RMDN2: variants seen among roughly 807,000 people sequenced by gnomAD.
RMDN2 encodes the protein regulator of microtubule dynamics protein 2.
Under a neutral mutation model 52.8 loss-of-function variants are expected in RMDN2, and 61 were observed. The observed-to-expected ratio is 1.16, with a 90% confidence interval of 0.94 to 1.43. RMDN2 has a LOEUF of 1.43. RMDN2 is among the 40% of genes most tolerant of loss of function. The pLI is 0.00. For synonymous variants in RMDN2, 180 were observed against 153.1 expected (o/e 1.18, Z -1.30); for missense variants, 592 against 475.3 (o/e 1.25, Z -2.28).
chr2:37,930,416 A>C (rs947972917), intron 2 of RMDN2, among the ~76,000 whole-genome samples: 1 of 151,978 alleles, frequency 6.6e-6, no homozygotes, highest in African/African-American at 2.4e-5. Context: ...GAAATTTATT[A>C]ATTTTTTTGT....
chr2:38,064,845 T>C (rs1682204568), intron 10 of RMDN2, among the ~76,000 whole-genome samples: 1 of 151,860 alleles, frequency 6.6e-6, no homozygotes, highest in Non-Finnish European at 1.5e-5. Context: ...AATAAAGAGG[T>C]CATGCCATGT....
intron 2 of RMDN2, among the ~76,000 whole-genome samples, chr2:37,950,993 G>A (rs139708947): frequency 2.2e-4 from 34 of 152,134 alleles, no homozygotes; most frequent in Non-Finnish European, 3.7e-4. Flanking sequence ...GTTTAATAGA[G>A]TGGGTAGGTA....
chr2:37,975,236 T>C lies in RMDN2; in HGVS notation c.652T>C (p.Trp218Arg). 1 of 1,607,918 alleles carries C rather than the reference T, an allele frequency of 6.2e-7. No individual in the cohort carries two copies. Among genetic ancestry groups the C allele is most frequent in the Middle Eastern group, 1.7e-4 (1 of 6,040 alleles). ...EKFRDEIEFM[W>R]RFARAYGDMY... ...GTTTAGAGATGAAATAGAGTTTATG[T>C]GGCGATTTGCTCGTGCTTATGGAGA... The change falls in exon 4 of 11, where the codon TGG (tryptophan) becomes CGG (arginine). Residue 218 changes from tryptophan to arginine, a missense_variant. By Grantham distance (101) the Trp-to-Arg change is moderately radical (BLOSUM62 -3). Transcript: ENST00000354545.
intron 2 of RMDN2, among the ~76,000 whole-genome samples, chr2:37,965,762 T>C (rs1269997966): frequency 2.6e-5 from 4 of 152,238 alleles, no homozygotes; most frequent in Non-Finnish European, 5.9e-5. Flanking sequence ...TTGTTTCAAC[T>C]TGAGGGACTC....
At chr2:37,930,500 G>A (rs1022302476) in intron 2 of RMDN2, among the ~76,000 whole-genome samples, 3 of 152,162 alleles carry the variant, frequency 2.0e-5, no homozygotes, top group African/African-American at 7.2e-5. Flanking sequence ...ACCTGGGAGC[G>A]AGGGGCACCC....
intron 2 of RMDN2, among the ~76,000 whole-genome samples, chr2:37,963,801 A>G (rs917119713): frequency 2.0e-5 from 3 of 152,136 alleles, no homozygotes; most frequent in Admixed American, 6.5e-5. Flanking sequence ...CGCCATCGTC[A>G]TCATGGCCCG....
At chr2:37,946,619 G>A (rs575409418) in intron 2 of RMDN2, among the ~76,000 whole-genome samples, 1 of 152,212 alleles carries the variant, frequency 6.6e-6, no homozygotes, top group East Asian at 1.9e-4. Context: ...AGTAGAAGAG[G>A]GAATTAACTA....
At chr2:38,056,940 T>C (rs1319714415) in intron 10 of RMDN2, among the ~76,000 whole-genome samples, 1 of 152,198 alleles carries the variant, frequency 6.6e-6, no homozygotes. Flanking sequence ...AATATTGCCT[T>C]TGTGAAAAAT....
chr2:38,009,984 C>T (rs1558547681), intron 10 of RMDN2, among the ~76,000 whole-genome samples: 1 of 152,124 alleles, frequency 6.6e-6, no homozygotes, highest in Admixed American at 6.5e-5. Context: ...CACTCCAGAC[C>T]CTGTTTGCCT....
intron 2 of RMDN2, among the ~76,000 whole-genome samples, chr2:37,964,650 T>A (rs1344358219): frequency 6.6e-6 from 1 of 152,172 alleles, no homozygotes; most frequent in Non-Finnish European, 1.5e-5. Context: ...GAATGTGTAT[T>A]CTGTTATTTT....
upstream of RMDN2, among the ~76,000 whole-genome samples, chr2:37,921,139 C>T (rs935591374): frequency 1.3e-5 from 2 of 152,122 alleles, no homozygotes; most frequent in African/African-American, 2.4e-5. Flanking sequence ...TTCTTTCATA[C>T]ATATCTTCCT....
intron 10 of RMDN2, chr2:38,030,812 C>T (rs1680143998): frequency 6.6e-6 from 1 of 152,198 alleles, no homozygotes; most frequent in Admixed American, 6.5e-5. Flanking sequence ...AGGTGGCTGA[C>T]TTCCAGCTCT....
chr2:38,012,754 A>C, intron 10 of RMDN2: 1 of 314,174 alleles, frequency 3.2e-6, no homozygotes, highest in East Asian at 9.6e-5. Flanking sequence ...ATTGAAATAT[A>C]CCCCATTAGT....
intron 3 of RMDN2, 23 bp from the exon 4 acceptor site, chr2:37,975,189 G>GCAACTC: frequency 7.2e-7 from 1 of 1,379,800 alleles, no homozygotes; most frequent in Non-Finnish European, 1.0e-6. Flanking sequence ...AATTTAACAG[G>GCAACTC]CAACTCCATC....
intron 10 of RMDN2, among the ~76,000 whole-genome samples, chr2:38,024,349 C>T (rs964688034): frequency 1.3e-5 from 2 of 152,146 alleles, no homozygotes; most frequent in East Asian, 1.9e-4. Context: ...TTATAAAAAA[C>T]GGTCAAACTG....
At chr2:38,022,141 T>C (rs986146544), downstream of RMDN2, among the ~76,000 whole-genome samples, 4 of 152,182 alleles carry the variant, frequency 2.6e-5, no homozygotes, top group African/African-American at 9.7e-5. Flanking sequence ...AACGGATATA[T>C]AAAAGGTACT....
intron 4 of RMDN2, among the ~76,000 whole-genome samples, chr2:37,980,608 A>G (rs546452106): frequency 6.6e-6 from 1 of 152,236 alleles, no homozygotes; most frequent in East Asian, 1.9e-4. Flanking sequence ...CCAGCCCCAA[A>G]TTAATTATTA....
At chr2:37,972,722 G>T (rs151150674) in intron 2 of RMDN2, among the ~76,000 whole-genome samples, 188 of 152,080 alleles carry the variant, frequency 1.2e-3, no homozygotes, top group African/African-American at 4.3e-3. Flanking sequence ...AGGTGGTAGT[G>T]GGGAGAGGTG....
At chr2:38,054,295 G>C (rs1681759689) in intron 10 of RMDN2, among the ~76,000 whole-genome samples, 1 of 152,180 alleles carries the variant, frequency 6.6e-6, no homozygotes. Context: ...ACACAAAAAA[G>C]ATGAATGCTT....
Sources: allele counts gnomAD v4.1 joint callset (sites outside exome capture counted in the v4.1 genomes callset), GRCh38; gene constraint gnomAD v4.1.1; transcripts MANE v1.5; gene names NCBI Gene and HGNC (gene_info 2026-07-23, HGNC 2026-07-21).